Variants in CFAP107 observed in about 807,000 individuals in gnomAD.
CFAP107 encodes the protein cilia and flagella associated protein 107, also known as cilia- and flagella-associated protein 107.
At chr1:12,749,708 T>G in the CFAP107 span, among the ~76,000 whole-genome samples, 1 of 152,194 alleles carries the variant, frequency 6.6e-6, no homozygotes, top group African/African-American at 2.4e-5. Context: ...ACATTTAAAG[T>G]GCTGGTAAAA....
chr1:12,760,921 C>T, the CFAP107 span: 6 of 1,613,404 alleles, frequency 3.7e-6, no homozygotes, highest in Non-Finnish European at 5.1e-6. Flanking sequence ...CGGTCCCTCC[C>T]CATCGCCTGC....
chr1:12,752,537 A>G, the CFAP107 span, among the ~76,000 whole-genome samples: 1 of 135,682 alleles, frequency 7.4e-6, no homozygotes, highest in South Asian at 2.5e-4. Flanking sequence ...ACTGCACTTC[A>G]GCCTGGCCGA....
chr1:12,759,252 T>C, the CFAP107 span: 11 of 1,571,168 alleles, frequency 7.0e-6, no homozygotes, highest in African/African-American at 6.8e-5. Context: ...GTCTCCACCA[T>C]GGCCAGGTGG....
chr1:12,760,543 T>C, the CFAP107 span, among the ~76,000 whole-genome samples: 1 of 152,268 alleles, frequency 6.6e-6, no homozygotes, highest in East Asian at 1.9e-4. Context: ...GAGCCTGATC[T>C]CCCCTGAGCA....
At chr1:12,750,506 C>A in the CFAP107 span, among the ~76,000 whole-genome samples, 1 of 152,066 alleles carries the variant, frequency 6.6e-6, no homozygotes, top group South Asian at 2.1e-4. Context: ...GATTGAAGTA[C>A]ACATGTAAGT....
the CFAP107 span, chr1:12,761,127 G>A: frequency 1.7e-6 from 1 of 579,762 alleles, no homozygotes; most frequent in South Asian, 2.6e-5. Context: ...AAACCCACAG[G>A]TTCCTTTCTT....
the CFAP107 span, among the ~76,000 whole-genome samples, chr1:12,755,441 C>A: frequency 1.3e-5 from 2 of 151,086 alleles, no homozygotes; most frequent in East Asian, 3.9e-4. Context: ...GAGAGAAGAG[C>A]AGGGAGAGAG....
chr1:12,755,129 G>A, the CFAP107 span, among the ~76,000 whole-genome samples: 1 of 152,192 alleles, frequency 6.6e-6, no homozygotes, highest in African/African-American at 2.4e-5. Flanking sequence ...AGGGAGGGCC[G>A]GGCACAGTGG....
chr1:12,747,637 G>C, the CFAP107 span, among the ~76,000 whole-genome samples: 4 of 152,118 alleles, frequency 2.6e-5, no homozygotes, highest in Non-Finnish European at 5.9e-5. Flanking sequence ...AAGGTTAAAG[G>C]CTGTTTTCCT....
At chr1:12,762,148 G>A in the CFAP107 span, 1 of 152,382 alleles carries the variant, frequency 6.6e-6, no homozygotes, top group Admixed American at 6.5e-5. Flanking sequence ...ATACCTGCTG[G>A]CCTCAGGCCA....
the CFAP107 span, among the ~76,000 whole-genome samples, chr1:12,746,784 T>G: frequency 6.6e-6 from 1 of 152,144 alleles, no homozygotes; most frequent in African/African-American, 2.4e-5. Context: ...ACTGACACTC[T>G]CTTACAGATA....
chr1:12,760,625 G>A, the CFAP107 span: 1 of 766,944 alleles, frequency 1.3e-6, no homozygotes, highest in Non-Finnish European at 2.0e-6. Context: ...GCTCTTCCCT[G>A]TGGGCCTCTG....
At chr1:12,752,953 A>G in the CFAP107 span, among the ~76,000 whole-genome samples, 1 of 152,196 alleles carries the variant, frequency 6.6e-6, no homozygotes, top group Non-Finnish European at 1.5e-5. Flanking sequence ...GATTTTATAT[A>G]CAGGAAACCT....
At chr1:12,748,577 C>A in the CFAP107 span, among the ~76,000 whole-genome samples, 2 of 151,798 alleles carry the variant, frequency 1.3e-5, no homozygotes, top group Admixed American at 6.6e-5. Flanking sequence ...ACATTACCTG[C>A]TAGTTAGAAA....
chr1:12,751,655 A>C, the CFAP107 span, among the ~76,000 whole-genome samples: 70 of 152,334 alleles, frequency 4.6e-4, 1 homozygote, highest in African/African-American at 1.6e-3. Context: ...AACAAAGAGA[A>C]AACCAAATTG....
chr1:12,754,954 C>T, the CFAP107 span, among the ~76,000 whole-genome samples: 4 of 152,244 alleles, frequency 2.6e-5, no homozygotes, highest in East Asian at 1.9e-4. Flanking sequence ...TGCACAACAG[C>T]GTGAATGTCA....
At chr1:12,749,849 C>T in the CFAP107 span, among the ~76,000 whole-genome samples, 1 of 152,052 alleles carries the variant, frequency 6.6e-6, no homozygotes, top group Non-Finnish European at 1.5e-5. Flanking sequence ...GCAAGGAAGA[C>T]TAAAGAGAAT....
chr1:12,750,713 C>T, the CFAP107 span, among the ~76,000 whole-genome samples: 4 of 151,898 alleles, frequency 2.6e-5, no homozygotes, highest in African/African-American at 7.3e-5. Context: ...AATATTAGAG[C>T]TCTGAAATAA....
chr1:12,756,070 T>C, the CFAP107 span, among the ~76,000 whole-genome samples: 4 of 152,322 alleles, frequency 2.6e-5, no homozygotes, highest in Admixed American at 2.6e-4. Flanking sequence ...TCCAACAGAA[T>C]ATAGGCAAAG....
Sources: allele counts gnomAD v4.1 joint callset (sites outside exome capture counted in the v4.1 genomes callset), GRCh38; gene constraint gnomAD v4.1.1; transcripts MANE v1.5; gene names NCBI Gene and HGNC (gene_info 2026-07-23, HGNC 2026-07-21).